The following ZNF780B variants were observed in gnomAD, a reference collection of about 807,000 sequenced individuals.
ZNF780B encodes the protein zinc finger protein 780B, also known as zinc finger protein 779.
A neutral mutation model predicts 74.1 loss-of-function variants in ZNF780B; 52 were observed. The ratio of observed to expected loss-of-function variants is 0.70; its 90% CI spans 0.56 to 0.88. The LOEUF (loss-of-function observed/expected upper bound fraction) is 0.88. Ranked by LOEUF, ZNF780B falls within the 40% of genes least tolerant of loss-of-function variation. The pLI is 0.00. For synonymous variants in ZNF780B, 315 were observed against 324.3 expected, an observed-to-expected ratio of 0.97 and a Z score of 0.31; for missense variants, 953 against 1,007.6, an observed-to-expected ratio of 0.95 and a Z score of 0.73.
rs886227497 is a variant in ZNF780B at position 40,030,136 on chromosome 19, G to A, written c.*4221C>T. ...GCTATAAAGGAATGTCTGAGGTTGGGTTATTAATAAAGAAAGAGGTTTATT... is the reference window on the plus strand; with the variant it reads ...GCTATAAAGGAATGTCTGAGGTTGGATTATTAATAAAGAAAGAGGTTTATT... On this transcript the variant is annotated 3_prime_UTR_variant, in exon 5 of 5. Coordinates refer to ENST00000434248, the MANE Select transcript of ZNF780B (RefSeq NM_001005851.3). The A allele has an allele frequency of 6.6e-6, 1 of 152,168 alleles. No individual in the cohort carries two copies. Among genetic ancestry groups the A allele is most frequent in the African/African-American group, 2.4e-5 (1 of 41,412 alleles). 9.4% of individuals were successfully genotyped at this position (152,168 alleles called of 1,614,324 possible).
At chr19:40,037,860 A>G (rs983111418) in intron 4 of ZNF780B, among the ~76,000 whole-genome samples, 47 of 149,676 alleles carry the variant, frequency 3.1e-4, no homozygotes, top group Admixed American at 2.1e-3. Context: ...GCTCTTTGTA[A>G]CAAACATCCA....
At chr19:40,047,657 A>T (rs1972997267) in intron 3 of ZNF780B, among the ~76,000 whole-genome samples, 187 bp from the exon 4 acceptor site, 1 of 151,894 alleles carries the variant, frequency 6.6e-6, no homozygotes, top group Non-Finnish European at 1.5e-5. Context: ...ATTTAAACTC[A>T]TAATAGAAAC....
intron 1 of ZNF780B, among the ~76,000 whole-genome samples, chr19:40,052,322 C>T (rs1351987119): frequency 6.6e-6 from 1 of 152,058 alleles, no homozygotes; most frequent in Non-Finnish European, 1.5e-5. Context: ...GGTGTGACAA[C>T]CAAAAGTTTT....
Position 40,035,374 on chromosome 19 carries a change from A to G in ZNF780B, c.1485T>C (p.His495=). Residue 495 remains histidine, a synonymous_variant, in exon 5 of 5, where the codon CAT becomes CAC. Transcript: ENST00000434248. ...TACATTCAAATGGTTTCTCACCAGT[A>G]TGAATGTTCTTATGTCGAGCAAGCT... The part of the protein sequence containing the change: ...LTQLARHKNI[H]TGEKPFECKD... 3 of 1,614,078 alleles carry G rather than the reference A, an allele frequency of 1.9e-6. No homozygotes were observed. The highest frequency in any genetic ancestry group is 1.7e-6 in the Non-Finnish European group (2 of 1,179,990).
intron 3 of ZNF780B, 71 bp from the exon 4 acceptor site, chr19:40,047,541 T>TA: frequency 1.0e-6 from 1 of 993,370 alleles, no homozygotes; most frequent in Non-Finnish European, 1.5e-6. Flanking sequence ...GAGACCTAGT[T>TA]AAACTTATAA....
chr19:40,035,118 C>T lies in ZNF780B; in HGVS notation c.1741G>A (p.Gly581Arg), dbSNP rs369018278. 5.8e-5 allele frequency: 93 copies of T among 1,613,518 alleles called. No individual in the cohort carries two copies. Among genetic ancestry groups the T allele is most frequent in the African/African-American group, 5.6e-4 (42 of 74,898 alleles). ...TCCTTACATTCAAAGGGTTTCTTTC[C>T]GGTATGAATACTTCGATGTTGATTA... ...NLNQHRSIHT[G>R]KKPFECKECG... The change falls in exon 5 of 5, where the codon GGA becomes AGA. Residue 581 changes from glycine (G) to arginine (R), a missense_variant. Gly to Arg is a moderately radical substitution (Grantham distance 125). Coordinates refer to ENST00000434248, the MANE Select transcript of ZNF780B (RefSeq NM_001005851.3).
chr19:40,042,377 G>A (rs929766043), intron 4 of ZNF780B, among the ~76,000 whole-genome samples: 1 of 152,072 alleles, frequency 6.6e-6, no homozygotes, highest in African/African-American at 2.4e-5. Context: ...ACAATTATGT[G>A]TCTTGGAGTT....
In ZNF780B at chr19:40,034,699, A is replaced by C; in HGVS notation, c.2160T>G (p.Thr720=). ...YQLTEHYRIH[T]GEKPFECKEC... The stretch of plus-strand genomic sequence containing the variant: ...CTTTACATTCAAAGGGTTTCTCACC[A>C]GTATGAATTCGGTAATGTTCAGTAA... The change falls in exon 5 of 5, where the codon ACT becomes ACG. Residue 720 remains threonine (T), a synonymous_variant. Transcript: ENST00000434248. The C allele has an allele frequency of 1.2e-6, 2 of 1,614,042 alleles. No individual in the cohort carries two copies. Among genetic ancestry groups the C allele is most frequent in the Non-Finnish European group, 1.7e-6 (2 of 1,179,980 alleles).
rs573353591 is a variant in ZNF780B, at chr19:40,033,651, G to T, written c.*706C>A. Reference sequence around the variant, plus strand: ...GTGTTGAGTAAATTTTTCATACACAGTGAAGGCTTGTCTACACTCCTTATA... The same window carrying T: ...GTGTTGAGTAAATTTTTCATACACATTGAAGGCTTGTCTACACTCCTTATA... On this transcript the variant is annotated 3_prime_UTR_variant, in exon 5 of 5. Coordinates refer to ENST00000434248, the MANE Select transcript of ZNF780B (RefSeq NM_001005851.3). The T allele has an allele frequency of 1.3e-5, 2 of 154,250 alleles. No homozygotes were observed. The highest frequency in any genetic ancestry group is 2.9e-5 in the Non-Finnish European group (2 of 68,456). 9.6% of individuals were successfully genotyped at this position (154,250 alleles called of 1,614,324 possible).
At chr19:40,050,196 CAAAAAA>C (rs74179712) in intron 2 of ZNF780B, 122 bp downstream of exon 2, 627 of 391,714 alleles carry the variant, frequency 1.6e-3, no homozygotes, top group East Asian at 2.7e-3. Flanking sequence ...GACTCCGTCT[CAAAAAA>C]AAAAAAAAAA....
chr19:40,031,895 G>A lies in ZNF780B; in HGVS notation c.*2462C>T, dbSNP rs80276456. On this transcript the variant is annotated 3_prime_UTR_variant, in exon 5 of 5. Coordinates refer to ENST00000434248, the MANE Select transcript of ZNF780B (RefSeq NM_001005851.3). ...TAAATCTTTACAATGGACTTACGGCGGTTACCAGCTTACCCAAATGATCAT... is the reference window on the plus strand; with the variant it reads ...TAAATCTTTACAATGGACTTACGGCAGTTACCAGCTTACCCAAATGATCAT... The A allele has an allele frequency of 7.4e-3, 2,323 of 315,328 alleles. 13 individuals carry two copies. Among genetic ancestry groups the A allele is most frequent in the Non-Finnish European group, 0.012 (1,848 of 158,086 alleles). The allele number at this position is 315,328 out of a possible 1,614,324, so 19.5% of individuals were successfully genotyped here.
chr19:40,048,547 A>T, intron 3 of ZNF780B, 123 bp downstream of exon 3: 2 of 1,509,410 alleles, frequency 1.3e-6, no homozygotes, highest in South Asian at 1.2e-5. Flanking sequence ...ATCTCAATCC[A>T]TTCCTTCGGG....
intron 4 of ZNF780B, among the ~76,000 whole-genome samples, chr19:40,042,307 C>A (rs1417739498): frequency 6.6e-6 from 1 of 152,154 alleles, no homozygotes; most frequent in Non-Finnish European, 1.5e-5. Flanking sequence ...GTGGGTAACC[C>A]GACCTTACTC....
chr19:40,053,062 G>C (rs1973309305), intron 1 of ZNF780B, among the ~76,000 whole-genome samples: 1 of 151,916 alleles, frequency 6.6e-6, no homozygotes, highest in East Asian at 1.9e-4. Context: ...GACTTCAAAA[G>C]CACAGGCAAT....
At chr19:40,041,742 T>G (rs935626224) in intron 4 of ZNF780B, among the ~76,000 whole-genome samples, 4 of 152,224 alleles carry the variant, frequency 2.6e-5, no homozygotes, top group Non-Finnish European at 4.4e-5. Context: ...TGCCTTTTTT[T>G]GTTTTCCATT....
chr19:40,042,690 G>GCAT (rs1555731657), intron 4 of ZNF780B, among the ~76,000 whole-genome samples: 1 of 151,924 alleles, frequency 6.6e-6, no homozygotes, highest in Non-Finnish European at 1.5e-5. Flanking sequence ...CCAGTTGATC[G>GCAT]CATCAGCTCC....
At position 40,036,594 on chromosome 19, in the gene ZNF780B, A is replaced by T. The variant is rs1972333187; in HGVS notation, c.265T>A (p.Ser89Thr). 1.3e-6 allele frequency: 2 copies of T among 1,555,690 alleles called. No homozygotes were observed. Among genetic ancestry groups the T allele is most frequent in the Middle Eastern group, 1.7e-4 (1 of 5,830 alleles). ...ATTTCAAAAATATCATTTTCTGGAG[A>T]TATTTTCTCAGGTCCATATTTTGAC... is the stretch of plus-strand genomic sequence containing the variant. Reference protein sequence around the residue: ...LESKYGPEKISPENDIFEINL... With the variant: ...LESKYGPEKITPENDIFEINL... The change falls in exon 5 of 5, where the codon TCT becomes ACT. Residue 89 changes from serine (S) to threonine (T), a missense_variant. By Grantham distance (58) the Ser-to-Thr change is moderately conservative (BLOSUM62 1). Coordinates refer to ENST00000434248, the MANE Select transcript of ZNF780B (RefSeq NM_001005851.3).
Position 40,036,249 on chromosome 19 carries a change from G to A in ZNF780B, c.610C>T (p.Leu204Phe), listed in dbSNP as rs376606215. Residue 204 changes from leucine to phenylalanine, a missense_variant, in exon 5 of 5, where the codon CTT becomes TTT. Transcript: ENST00000434248. The stretch of plus-strand genomic sequence containing the variant: ...TGATGTCGAGTAAGTTGTATGTGAA[G>A]TTGAAAGGCTTTCCCACATTCTTTG... ...KCKECGKAFQ[L>F]HIQLTRHQKF... 1 of 1,612,188 alleles carries A rather than the reference G, an allele frequency of 6.2e-7. No homozygotes were observed. Among genetic ancestry groups the A allele is most frequent in the African/African-American group, 1.3e-5 (1 of 74,820 alleles).
rs114399230 is a variant in ZNF780B at position 40,034,653 on chromosome 19, G to T, written c.2206C>A (p.Leu736Ile). 1.4e-5 allele frequency: 23 copies of T among 1,613,880 alleles called. No individual in the cohort carries two copies. The highest frequency in any genetic ancestry group is 1.9e-5 in the Non-Finnish European group (23 of 1,180,000). Residue 736 changes from leucine (L) to isoleucine (I), a missense_variant, in exon 5 of 5, where the codon CTT becomes ATT. By Grantham distance (5) the Leu-to-Ile change is conservative. Coordinates refer to ENST00000434248, the MANE Select transcript of ZNF780B (RefSeq NM_001005851.3). ...TGATGTTGAGCAAGCTGTGTCAGAA[G>T]ACCAAAGGCCTTTCCGCATTCTTTA... ...ECKECGKAFG[L>I]LTQLAQHQII...
Sources: allele counts gnomAD v4.1 joint callset (sites outside exome capture counted in the v4.1 genomes callset), GRCh38; gene constraint gnomAD v4.1.1; transcripts MANE v1.5; gene names NCBI Gene and HGNC (gene_info 2026-07-23, HGNC 2026-07-21).